The following CREB5 variants were observed in gnomAD, a reference collection of about 807,000 sequenced individuals.
The protein encoded by CREB5 is cyclic AMP-responsive element-binding protein 5.
In CREB5, 19 loss-of-function variants were observed where a neutral mutation model predicts 57.1. The observed-to-expected ratio is 0.33, with a 90% CI of 0.23 to 0.49. CREB5 has a LOEUF of 0.49. Among genes scored for constraint, CREB5 ranks in the 20% least tolerant of loss-of-function variants. The pLI is 0.99. For synonymous variants in CREB5, 238 were observed against 238.3 expected (o/e 1.00, Z 0.01); for missense variants, 579 against 671.6 (o/e 0.86, Z 1.52).
At chr7:28,703,424 A>G (rs1373314191) in intron 5 of CREB5, among the ~76,000 whole-genome samples, 1 of 152,182 alleles carries the variant, frequency 6.6e-6, no homozygotes. Flanking sequence ...AAGACGGAGC[A>G]CTGTACTAGT....
chr7:28,680,832 G>A (rs1480687682), intron 5 of CREB5, among the ~76,000 whole-genome samples: 1 of 151,774 alleles, frequency 6.6e-6, no homozygotes, highest in East Asian at 1.9e-4. Flanking sequence ...TTCCTGTAGT[G>A]CCCACTCTAG....
chr7:28,825,828 T>C lies in CREB5; in HGVS notation c.*6549T>C, dbSNP rs578080689. The C allele has an allele frequency of 6.5e-6, 1 of 152,744 alleles. No individual in the cohort carries two copies. Among genetic ancestry groups the C allele is most frequent in the Non-Finnish European group, 1.5e-5 (1 of 68,030 alleles). 9.5% of individuals were successfully genotyped at this position (152,744 alleles called of 1,614,324 possible). A position where few individuals can be genotyped will look rare whatever the true frequency, so the allele number is the denominator to read the frequency against. ...CTTTCTAGCAAGAAGAGACAAGATT[T>C]TGTGCATTTGTACAAATGTTAATAT... On this transcript the variant is annotated 3_prime_UTR_variant, in exon 11 of 11. Coordinates refer to ENST00000357727, the MANE Select transcript of CREB5 (RefSeq NM_182898.4).
At chr7:28,701,846 A>C (rs938992885) in intron 5 of CREB5, among the ~76,000 whole-genome samples, 6 of 152,244 alleles carry the variant, frequency 3.9e-5, no homozygotes, top group African/African-American at 1.4e-4. Context: ...AAAATATTTA[A>C]AGTATGTTTC....
rs1809820876 is a variant in CREB5 at position 28,822,355 on chromosome 7, A to G, written c.*3076A>G. 6.6e-6 allele frequency: 1 copy of G among 152,638 alleles called. No individual in the cohort carries two copies. The highest frequency in any genetic ancestry group is 2.4e-5 in the African/African-American group (1 of 41,462). 9.5% of individuals were successfully genotyped at this position (152,638 alleles called of 1,614,324 possible). ...CCTAAAGGCCCAGCCGTCACCAGAC[A>G]ACAGAATAATCAATCTGCCTGAAAA... On this transcript the variant is annotated 3_prime_UTR_variant, in exon 11 of 11. Transcript: ENST00000357727.
intron 5 of CREB5, among the ~76,000 whole-genome samples, chr7:28,677,341 C>T (rs1465866867): frequency 1.3e-5 from 2 of 152,116 alleles, no homozygotes; most frequent in African/African-American, 2.4e-5. Context: ...TAAGGCCCCA[C>T]CTTGACCTAT....
intron 5 of CREB5, among the ~76,000 whole-genome samples, chr7:28,613,826 G>C (rs1448309624): frequency 6.6e-6 from 1 of 152,188 alleles, no homozygotes; most frequent in African/African-American, 2.4e-5. Context: ...AGAGTTCAAA[G>C]TGCAAGAAAG....
chr7:28,756,199 C>G (rs1159560128), intron 7 of CREB5, among the ~76,000 whole-genome samples: 1 of 151,982 alleles, frequency 6.6e-6, no homozygotes, highest in Non-Finnish European at 1.5e-5. Context: ...GTGGAAGTGT[C>G]GAGGAAGGCA....
chr7:28,790,831 G>T (rs989515154), intron 7 of CREB5, among the ~76,000 whole-genome samples: 2 of 152,212 alleles, frequency 1.3e-5, no homozygotes, highest in African/African-American at 4.8e-5. Context: ...AAGTCAGGCT[G>T]GTTGGAATAT....
chr7:28,514,395 A>T (rs1184816812), intron 4 of CREB5, among the ~76,000 whole-genome samples: 1 of 151,784 alleles, frequency 6.6e-6, no homozygotes, highest in East Asian at 1.9e-4. Flanking sequence ...TATTTGTTTT[A>T]TTTATTTTTT....
chr7:28,676,312 T>C (rs1188858508), intron 5 of CREB5, among the ~76,000 whole-genome samples: 1 of 152,236 alleles, frequency 6.6e-6, no homozygotes, highest in African/African-American at 2.4e-5. Context: ...GTCTATTCCC[T>C]GGGCTTGTGT....
At chr7:28,768,122 G>GGAGTT (rs1806107626) in intron 7 of CREB5, among the ~76,000 whole-genome samples, 2 of 152,186 alleles carry the variant, frequency 1.3e-5, no homozygotes, top group South Asian at 2.1e-4. Context: ...CTTGTAGACA[G>GGAGTT]GAGTTGGGGT....
At chr7:28,483,163 G>A (rs893811957) in intron 1 of CREB5, among the ~76,000 whole-genome samples, 4 of 152,202 alleles carry the variant, frequency 2.6e-5, no homozygotes, top group African/African-American at 4.8e-5. Flanking sequence ...CCACGTTTCA[G>A]TATCATTTGC....
At chr7:28,434,282 T>G (rs185771655) in intron 1 of CREB5, among the ~76,000 whole-genome samples, 17 of 152,286 alleles carry the variant, frequency 1.1e-4, no homozygotes, top group Non-Finnish European at 1.9e-4. Flanking sequence ...TAATTATTCT[T>G]GGAAAATTCT....
Position 28,792,187 on chromosome 7 carries a change from C to T in CREB5, c.703-12012C>T, listed in dbSNP as rs372896448. On this transcript the variant is annotated intron_variant, in intron 7 of 10. Coordinates refer to ENST00000357727, the MANE Select transcript of CREB5 (RefSeq NM_182898.4). Reference sequence around the variant, plus strand: ...GGCATGGTTACAATCGCCTGTAATCCCAGCTACTTGGGAGGCTGAGGCATG... The same window carrying T: ...GGCATGGTTACAATCGCCTGTAATCTCAGCTACTTGGGAGGCTGAGGCATG... Among the ~76,000 whole-genome samples the T allele has an allele frequency of 3.9e-5, 6 of 152,052 alleles. No individual in the cohort carries two copies. The South Asian group carries it at 8.3e-4, about 21-fold the overall frequency.
chr7:28,432,908 C>G (rs532719584), intron 1 of CREB5, among the ~76,000 whole-genome samples: 1 of 152,260 alleles, frequency 6.6e-6, no homozygotes, highest in South Asian at 2.1e-4. Context: ...TCCATATCAT[C>G]TAGCTATATT....
intron 1 of CREB5, among the ~76,000 whole-genome samples, chr7:28,325,394 G>A (rs1426106909): frequency 6.6e-6 from 1 of 151,718 alleles, no homozygotes; most frequent in East Asian, 1.9e-4. Context: ...GGCAGAGCTT[G>A]CAGTGAGCCA....
At chr7:28,597,265 A>G (rs1796720661) in intron 5 of CREB5, among the ~76,000 whole-genome samples, 1 of 152,180 alleles carries the variant, frequency 6.6e-6, no homozygotes. Context: ...CTCTCTGATG[A>G]GGCATAGCCA....
intron 2 of CREB5, among the ~76,000 whole-genome samples, chr7:28,491,641 T>G (rs1467761430): frequency 2.0e-5 from 3 of 152,206 alleles, no homozygotes; most frequent in Admixed American, 2.0e-4. Flanking sequence ...TGGAAGTGTA[T>G]TTTTTCCTTG....
At chr7:28,628,134 C>G (rs1798071180) in intron 5 of CREB5, among the ~76,000 whole-genome samples, 1 of 151,994 alleles carries the variant, frequency 6.6e-6, no homozygotes, top group Non-Finnish European at 1.5e-5. Flanking sequence ...TATTGCCCAA[C>G]AGGATCAGCT....
Sources: gnomAD v4.1 joint callset for allele counts (sites outside exome capture counted in the v4.1 genomes callset) on GRCh38, gnomAD v4.1.1 for gene constraint, MANE v1.5 for transcripts, NCBI Gene and HGNC (gene_info 2026-07-23, HGNC 2026-07-21) for gene names.